The following FDFT1 variants were observed in gnomAD, a reference collection of about 807,000 sequenced individuals.
FDFT1 encodes the protein farnesyl-diphosphate farnesyltransferase 1.
Under a neutral mutation model 46.8 loss-of-function variants are expected in FDFT1, and 68 were observed. That is an observed-to-expected ratio of 1.45 (90% CI 1.19 to 1.78). FDFT1 has a LOEUF of 1.78. FDFT1 is among the 40% of genes most tolerant of loss of function. The probability of loss-of-function intolerance (pLI) is 0.00; values close to 1 mark genes in which losing one functional copy is unlikely to be tolerated. For missense variants in FDFT1, 928 were observed against 524.4 expected (o/e 1.77, Z -7.52); for synonymous variants, 351 against 185.1 (o/e 1.90, Z -7.28).
intron 5 of FDFT1, among the ~76,000 whole-genome samples, chr8:11,827,307 C>T (rs554355483): frequency 1.3e-5 from 2 of 152,034 alleles, no homozygotes; most frequent in Non-Finnish European, 2.9e-5. Context: ...GAAAATGATT[C>T]TGCTGAAAGA....
chr8:11,824,329 T>C (rs17149412), intron 4 of FDFT1, among the ~76,000 whole-genome samples: 37,621 of 152,052 alleles, frequency 0.25, 5,900 homozygotes, highest in East Asian at 0.78. Context: ...AAAAAAAAAG[T>C]ATTTGGCAAT....
intron 5 of FDFT1, among the ~76,000 whole-genome samples, chr8:11,829,854 G>GT (rs1810527540): frequency 6.7e-6 from 1 of 149,196 alleles, no homozygotes; most frequent in African/African-American, 2.6e-5. Context: ...GTTTTGTTTT[G>GT]TTTTTGTTTT....
At chr8:11,817,990 G>C (rs1808697176) in intron 3 of FDFT1, among the ~76,000 whole-genome samples, 1 of 152,080 alleles carries the variant, frequency 6.6e-6, no homozygotes, top group South Asian at 2.1e-4. Context: ...TTTCTCTTGT[G>C]AGCATTTAGT....
intron 5 of FDFT1, 120 bp downstream of exon 5, chr8:11,826,335 G>A (rs1002210120): frequency 1.5e-5 from 10 of 672,644 alleles, no homozygotes; most frequent in Non-Finnish European, 2.4e-5. Flanking sequence ...CAGCATAAGG[G>A]GATGTGGAAA....
At chr8:11,808,356 GC>G in intron 1 of FDFT1, 1 of 1,234,976 alleles carries the variant, frequency 8.1e-7, no homozygotes. Flanking sequence ...CCGGTGCGGA[GC>G]GGGAGGCCGG....
chr8:11,826,323 G>A, intron 5 of FDFT1, 108 bp downstream of exon 5: 4 of 739,588 alleles, frequency 5.4e-6, no homozygotes, highest in Non-Finnish European at 8.7e-6. Context: ...GCCTCCCCCA[G>A]GCAGCATAAG....
At chr8:11,805,989 G>A (rs765747666) in intron 1 of FDFT1, among the ~76,000 whole-genome samples, 7 of 152,168 alleles carry the variant, frequency 4.6e-5, no homozygotes, top group Non-Finnish European at 8.8e-5. Context: ...ATCTGATTAT[G>A]TAAATTTATG....
chr8:11,806,156 T>G (rs948234946), intron 1 of FDFT1, among the ~76,000 whole-genome samples: 2 of 152,152 alleles, frequency 1.3e-5, no homozygotes, highest in Non-Finnish European at 1.5e-5. Context: ...AGTCTGGTCT[T>G]GTCGTCTTCC....
In FDFT1 at chr8:11,831,504, C is replaced by G. The variant is rs768802995; in HGVS notation, c.880-14C>G. 3.1e-6 allele frequency: 5 copies of G among 1,604,404 alleles called. No homozygotes were observed. The highest frequency in any genetic ancestry group is 1.7e-5 in the Admixed American group (1 of 58,908). On this transcript the variant is annotated splice_polypyrimidine_tract_variant and intron_variant, in intron 6 of 7. Transcript: ENST00000220584. ...TCATTTCTTCTTTTTTCCCTCTCTT[C>G]TTGTTGTCTCTAGGTGATGGCCATT...
At chr8:11,805,641 T>A (rs1430840727) in intron 1 of FDFT1, among the ~76,000 whole-genome samples, 1 of 152,224 alleles carries the variant, frequency 6.6e-6, no homozygotes, top group African/African-American at 2.4e-5. Context: ...AACTCTAAGA[T>A]GGTCTGAAAA....
rs1208672472 is a variant in FDFT1 at position 11,827,188 on chromosome 8, G to A, written c.702+973G>A. Among the ~76,000 whole-genome samples the A allele has an allele frequency of 3.3e-5, 5 of 152,018 alleles. No individual in the cohort carries two copies. In the South Asian group the frequency reaches 6.2e-4, roughly 19 times the overall value. Reference sequence around the variant, plus strand: ...AAGTACTTTAAAGTTTTAAAAAGACGGGTGAGGCTAAGTGTGGTGTCTCAT... The same window carrying A: ...AAGTACTTTAAAGTTTTAAAAAGACAGGTGAGGCTAAGTGTGGTGTCTCAT... On this transcript the variant is annotated intron_variant, in intron 5 of 7. Coordinates refer to ENST00000220584, the MANE Select transcript of FDFT1 (RefSeq NM_004462.5).
intron 3 of FDFT1, among the ~76,000 whole-genome samples, chr8:11,818,572 T>G (rs144921086): frequency 6.6e-6 from 1 of 152,228 alleles, no homozygotes; most frequent in African/African-American, 2.4e-5. Flanking sequence ...ATGTTTAAGA[T>G]AGTTAGCTCT....
chr8:11,815,613 G>A (rs1808336373), intron 3 of FDFT1, among the ~76,000 whole-genome samples: 2 of 152,192 alleles, frequency 1.3e-5, no homozygotes, highest in African/African-American at 4.8e-5. Flanking sequence ...GCATTTCTCT[G>A]ATGACCAGTG....
intron 1 of FDFT1, among the ~76,000 whole-genome samples, chr8:11,805,577 C>T (rs1350058894): frequency 6.6e-6 from 1 of 152,210 alleles, no homozygotes; most frequent in Non-Finnish European, 1.5e-5. Flanking sequence ...ACAGTTACTT[C>T]ATCTGTAAAA....
chr8:11,796,263 A>T (rs961238060), intron 1 of FDFT1, among the ~76,000 whole-genome samples: 10 of 152,190 alleles, frequency 6.6e-5, no homozygotes. Flanking sequence ...AAGTGACTGG[A>T]CTGTTTGTGT....
At chr8:11,799,688 C>T (rs1195119956), upstream of FDFT1, among the ~76,000 whole-genome samples, 2 of 151,452 alleles carry the variant, frequency 1.3e-5, no homozygotes, top group East Asian at 3.9e-4. Context: ...TGGCTCACGC[C>T]TGTAATCCCA....
upstream of FDFT1, among the ~76,000 whole-genome samples, chr8:11,798,491 G>A (rs1418182188): frequency 1.3e-5 from 2 of 152,192 alleles, no homozygotes; most frequent in African/African-American, 4.8e-5. Context: ...TAAAATGAAA[G>A]GTATTTGTTT....
At chr8:11,806,707 A>G (rs953102352) in intron 1 of FDFT1, among the ~76,000 whole-genome samples, 4 of 152,148 alleles carry the variant, frequency 2.6e-5, no homozygotes, top group African/African-American at 9.7e-5. Flanking sequence ...TGGTCAGGCT[A>G]TGTGAAGAGC....
At chr8:11,798,095 G>C (rs978328888), upstream of FDFT1, 1 of 127,492 alleles carries the variant, frequency 7.8e-6, no homozygotes. Flanking sequence ...TTATTTTTTT[G>C]AGACGGAGTC....
Sources: allele counts gnomAD v4.1 joint callset (sites outside exome capture counted in the v4.1 genomes callset), GRCh38; gene constraint gnomAD v4.1.1; transcripts MANE v1.5; gene names NCBI Gene and HGNC (gene_info 2026-07-23, HGNC 2026-07-21).